TMEM117: variants seen among roughly 807,000 people sequenced by gnomAD.
TMEM117 encodes transmembrane protein 117.
TMEM117 carries 27 observed loss-of-function variants against 52.4 expected under a neutral mutation model. The ratio of observed to expected loss-of-function variants is 0.51; its 90% CI spans 0.38 to 0.71. The LOEUF is 0.71. Among genes scored for constraint, TMEM117 ranks in the 30% least tolerant of loss-of-function variants. The pLI, the probability that TMEM117 is intolerant of heterozygous loss-of-function variation, is 0.00. For synonymous variants in TMEM117, 215 were observed against 206.3 expected (o/e 1.04, Z -0.36); for missense variants, 556 against 630.5 (o/e 0.88, Z 1.26).
chr12:43,889,686 T>C (rs1281389807), intron 2 of TMEM117, among the ~76,000 whole-genome samples: 1 of 152,190 alleles, frequency 6.6e-6, no homozygotes, highest in Non-Finnish European at 1.5e-5. Flanking sequence ...CATTTACTTA[T>C]AAATAAGAGA....
rs1244597058 is a variant in TMEM117, at chr12:43,946,378, G to GTT, written c.410+2051_410+2052dup. 2.0e-3 allele frequency among the ~76,000 whole-genome samples: 231 copies of GTT among 113,406 alleles called. 1 individual carries two copies. Among genetic ancestry groups the GTT allele is most frequent in the African/African-American group, 6.6e-3 (167 of 25,484 alleles). The allele number at this position is 113,406 out of a possible 152,430, so 74.4% of individuals were successfully genotyped here. A position where few individuals can be genotyped will look rare whatever the true frequency, so the allele number is the denominator to read the frequency against. On this transcript the variant is annotated intron_variant, in intron 3 of 7. Transcript: ENST00000266534. ...AGAAGCTGACTTTTGATATAATTCT[G>GTT]TTTTTTTTTTTTTTTTGTTTGTTTT...
intron 3 of TMEM117, among the ~76,000 whole-genome samples, chr12:44,065,839 A>G (rs1947214116): frequency 6.6e-6 from 1 of 152,204 alleles, no homozygotes; most frequent in Non-Finnish European, 1.5e-5. Context: ...TACCCTTATA[A>G]TGTGGTTCCT....
chr12:43,960,085 T>C (rs1592394858), intron 3 of TMEM117, among the ~76,000 whole-genome samples: 3 of 152,004 alleles, frequency 2.0e-5, no homozygotes, highest in Non-Finnish European at 4.4e-5. Flanking sequence ...TCTGCTGGAG[T>C]GGTGCTTTAG....
At chr12:44,312,918 A>G (rs1011164602) in intron 6 of TMEM117, among the ~76,000 whole-genome samples, 2 of 152,068 alleles carry the variant, frequency 1.3e-5, no homozygotes, top group Non-Finnish European at 1.5e-5. Flanking sequence ...GTTTTTGAGA[A>G]GTGTCTGTTC....
intron 3 of TMEM117, chr12:44,008,616 ACT>A (rs1946239760): frequency 4.7e-6 from 1 of 211,640 alleles, no homozygotes; most frequent in Non-Finnish European, 9.4e-6. Flanking sequence ...CTATGTGGTA[ACT>A]CTCAGTTTAG....
intron 3 of TMEM117, among the ~76,000 whole-genome samples, chr12:43,994,338 G>T (rs763611658): frequency 4.6e-5 from 7 of 152,118 alleles, no homozygotes; most frequent in Non-Finnish European, 8.8e-5. Flanking sequence ...AAAATATTTG[G>T]TGACTATAGA....
chr12:44,267,097 A>G (rs1213900630), intron 5 of TMEM117, among the ~76,000 whole-genome samples: 1 of 152,158 alleles, frequency 6.6e-6, no homozygotes, highest in Non-Finnish European at 1.5e-5. Flanking sequence ...ATGTATATCA[A>G]TCTGAAGAGT....
intron 3 of TMEM117, among the ~76,000 whole-genome samples, chr12:44,018,104 C>T (rs1309853692): frequency 2.6e-5 from 4 of 152,102 alleles, no homozygotes; most frequent in Non-Finnish European, 4.4e-5. Context: ...TCATTTCATG[C>T]TGTGTGTTGC....
intron 4 of TMEM117, among the ~76,000 whole-genome samples, chr12:44,169,912 G>A (rs866070382): frequency 2.0e-5 from 3 of 152,236 alleles, no homozygotes; most frequent in Middle Eastern, 6.8e-3. Flanking sequence ...TAGAACTAGA[G>A]ATACCATTTG....
intron 4 of TMEM117, among the ~76,000 whole-genome samples, chr12:44,155,950 C>G (rs1443603342): frequency 6.6e-6 from 1 of 152,018 alleles, no homozygotes; most frequent in Admixed American, 6.6e-5. Context: ...CACCCTTAAA[C>G]TTATCCATCC....
chr12:44,073,843 G>GA (rs1241727539), intron 3 of TMEM117: 5 of 151,870 alleles, frequency 3.3e-5, no homozygotes, highest in African/African-American at 1.2e-4. Context: ...GTAAGTGGCA[G>GA]AAAAAAAGGA....
At chr12:43,869,862 C>G (rs948173264) in intron 2 of TMEM117, among the ~76,000 whole-genome samples, 24 of 152,152 alleles carry the variant, frequency 1.6e-4, no homozygotes, top group Admixed American at 3.3e-4. Flanking sequence ...TCCCATCACC[C>G]AGGTATTAAG....
intron 3 of TMEM117, among the ~76,000 whole-genome samples, chr12:44,023,255 T>C (rs1005934812): frequency 2.2e-4 from 34 of 152,354 alleles, no homozygotes; most frequent in African/African-American, 7.9e-4. Context: ...TCCAAGTCTT[T>C]GCTATTGTGA....
In TMEM117 at chr12:43,955,263, A is replaced by G. The variant is rs115637871; in HGVS notation, c.410+10921A>G. ...AAGGATGCCCTGTCTCACTACTCCTATTCAACATGGTGTTGGAAGTTCTGG... is the reference window on the plus strand; with the variant it reads ...AAGGATGCCCTGTCTCACTACTCCTGTTCAACATGGTGTTGGAAGTTCTGG... On this transcript the variant is annotated intron_variant, in intron 3 of 7. Coordinates refer to ENST00000266534, the MANE Select transcript of TMEM117 (RefSeq NM_032256.3). 7.0e-3 allele frequency among the ~76,000 whole-genome samples: 1,068 copies of G among 152,308 alleles called. 11 individuals are homozygous for G. The highest frequency in any genetic ancestry group is 0.023 in the African/African-American group (964 of 41,572).
chr12:44,119,856 G>C (rs1462766800), intron 3 of TMEM117, among the ~76,000 whole-genome samples: 2 of 152,170 alleles, frequency 1.3e-5, no homozygotes, highest in Admixed American at 6.5e-5. Flanking sequence ...GTGTAACCAG[G>C]GTTGAGAATG....
intron 4 of TMEM117, among the ~76,000 whole-genome samples, chr12:44,157,498 C>G (rs1298184879): frequency 1.3e-5 from 2 of 151,982 alleles, no homozygotes; most frequent in East Asian, 3.9e-4. Flanking sequence ...TATTGTTGCT[C>G]TAGTGTCATT....
At chr12:44,186,916 C>T (rs748140752) in intron 4 of TMEM117, among the ~76,000 whole-genome samples, 31 of 152,228 alleles carry the variant, frequency 2.0e-4, no homozygotes, top group South Asian at 4.1e-4. Flanking sequence ...AGAGTTTACA[C>T]GGTAGTGATT....
At chr12:44,177,344 G>A (rs1183047766) in intron 4 of TMEM117, among the ~76,000 whole-genome samples, 1 of 152,070 alleles carries the variant, frequency 6.6e-6, no homozygotes, top group Non-Finnish European at 1.5e-5. Flanking sequence ...GCTCATTGAA[G>A]GCTCAATGCG....
chr12:43,959,390 A>G (rs565317088), intron 3 of TMEM117, among the ~76,000 whole-genome samples: 1 of 152,144 alleles, frequency 6.6e-6, no homozygotes, highest in African/African-American at 2.4e-5. Context: ...TCAGCACATA[A>G]TTTTTCTCAA....
Sources: gnomAD v4.1 joint callset for allele counts (sites outside exome capture counted in the v4.1 genomes callset) on GRCh38, gnomAD v4.1.1 for gene constraint, MANE v1.5 for transcripts, NCBI Gene and HGNC (gene_info 2026-07-23, HGNC 2026-07-21) for gene names.